Variants in PRDM16 observed in about 807,000 individuals in gnomAD.
The protein encoded by PRDM16 is PR/SET domain 16.
In PRDM16, 23 loss-of-function variants were observed where a neutral mutation model predicts 110.6. That is an observed-to-expected ratio of 0.21 (90% confidence interval 0.15 to 0.29). The LOEUF (loss-of-function observed/expected upper bound fraction) is 0.29. PRDM16 is among the 10% of genes least tolerant of loss of function. The pLI, the probability that PRDM16 is intolerant of heterozygous loss-of-function variation, is 1.00. For synonymous variants in PRDM16, 799 were observed against 781.8 expected, an observed-to-expected ratio of 1.02 and a Z score of -0.37; for missense variants, 1,615 against 1,794.3, an observed-to-expected ratio of 0.90 and a Z score of 1.81.
intron 3 of PRDM16, among the ~76,000 whole-genome samples, chr1:3,263,091 C>T (rs1640200416): frequency 6.6e-6 from 1 of 152,126 alleles, no homozygotes; most frequent in Non-Finnish European, 1.5e-5. Context: ...GTGTGTACCC[C>T]AGGGGCTCCA....
rs547579075 is a variant in PRDM16 at position 3,370,334 on chromosome 1, C to T, written c.439-14818C>T. 4.6e-5 allele frequency among the ~76,000 whole-genome samples: 7 copies of T among 152,184 alleles called. No individual in the cohort carries two copies. Among genetic ancestry groups the T allele is most frequent in the East Asian group, 1.9e-4 (1 of 5,180 alleles). ...GCTTTCCACATCCCTCAGCAGAGCC[C>T]GTGAATAAGAAGGGAAAGGATTTGA... On this transcript the variant is annotated intron_variant, in intron 3 of 16. Coordinates refer to ENST00000270722, the MANE Select transcript of PRDM16 (RefSeq NM_022114.4). This position sits in a 1 kb window ranked among gnomAD's most constrained non-coding sequence, Gnocchi z 4.8.
chr1:3,385,873 G>T (rs949594830), intron 4 of PRDM16, among the ~76,000 whole-genome samples: 1 of 152,198 alleles, frequency 6.6e-6, no homozygotes, highest in Admixed American at 6.5e-5. Context: ...CCACCTCGGG[G>T]CTGAGGAGCC....
intron 1 of PRDM16, among the ~76,000 whole-genome samples, chr1:3,121,467 A>C (rs1215852152): frequency 6.6e-6 from 1 of 152,280 alleles, no homozygotes; most frequent in Non-Finnish European, 1.5e-5. Context: ...CAGTGAGGAC[A>C]AGCCAGGTAG....
chr1:3,425,771 C>A lies in PRDM16; in HGVS notation c.3109+21C>A, dbSNP rs748866110. 2 of 1,612,276 alleles carry A rather than the reference C, an allele frequency of 1.2e-6. No homozygotes were observed. The highest frequency in any genetic ancestry group is 8.5e-7 in the Non-Finnish European group (1 of 1,179,358). On this transcript the variant is annotated intron_variant, in intron 13 of 16. Transcript: ENST00000270722. This position sits in a 1 kb window ranked among gnomAD's most constrained non-coding sequence, Gnocchi z 6.9. ...ACCAGGTGGGCCACGCGGGGTGGGG[C>A]AGCCCCCAGAGCACCCACACGGGCA...
chr1:3,269,674 A>G (rs1640386964), intron 3 of PRDM16, among the ~76,000 whole-genome samples: 1 of 88,564 alleles, frequency 1.1e-5, no homozygotes, highest in African/African-American at 9.6e-5. Flanking sequence ...ACAGTCCCAG[A>G]GTAGGACAGT....
At position 3,243,586 on chromosome 1, in the gene PRDM16, C is replaced by G. The variant is rs1480969826; in HGVS notation, c.388-501C>G. Among the ~76,000 whole-genome samples, 1 of 152,240 alleles carries G rather than the reference C, an allele frequency of 6.6e-6. No individual in the cohort carries two copies. The highest frequency in any genetic ancestry group is 2.4e-5 in the African/African-American group (1 of 41,466). ...AAGCCCCCGGAGGGCAGGGACTGCA[C>G]CTCGCTGTCTCTCACCTGTCCAGGA... On this transcript the variant is annotated intron_variant, in intron 2 of 16. Transcript: ENST00000270722. The surrounding 1 kb of genome is among the most constrained non-coding windows in gnomAD (Gnocchi z 5.5).
At chr1:3,297,260 G>C (rs1482166041) in intron 3 of PRDM16, among the ~76,000 whole-genome samples, 1 of 150,956 alleles carries the variant, frequency 6.6e-6, no homozygotes, top group Non-Finnish European at 1.5e-5. Context: ...CCCTATCCAG[G>C]TCAACGTCTG....
chr1:3,354,176 T>C (rs377165743), intron 3 of PRDM16, among the ~76,000 whole-genome samples: 1 of 152,310 alleles, frequency 6.6e-6, no homozygotes, highest in East Asian at 1.9e-4. Flanking sequence ...GAACCATTGC[T>C]AGGCCGGGTG....
chr1:3,249,493 C>T (rs1322412375), intron 3 of PRDM16, among the ~76,000 whole-genome samples: 1 of 151,894 alleles, frequency 6.6e-6, no homozygotes, highest in African/African-American at 2.4e-5. Context: ...CAGATCCCGC[C>T]GGAGTGCCGT....
intron 2 of PRDM16, among the ~76,000 whole-genome samples, chr1:3,187,524 C>T (rs1193818415): frequency 3.9e-5 from 6 of 152,186 alleles, no homozygotes; most frequent in Non-Finnish European, 7.3e-5. Flanking sequence ...CACTGTCAGG[C>T]CTGCCCCAAC....
chr1:3,386,066 C>T (rs893713607), intron 4 of PRDM16, among the ~76,000 whole-genome samples: 1 of 152,236 alleles, frequency 6.6e-6, no homozygotes, highest in Non-Finnish European at 1.5e-5. Flanking sequence ...CGAGTGGCCC[C>T]TGGAGGCCCT....
At chr1:3,117,523 C>A (rs904104013) in intron 1 of PRDM16, among the ~76,000 whole-genome samples, 2 of 152,090 alleles carry the variant, frequency 1.3e-5, no homozygotes, top group African/African-American at 4.8e-5. Flanking sequence ...TCACCTCTGG[C>A]TACCACGCAG....
intron 2 of PRDM16, among the ~76,000 whole-genome samples, chr1:3,196,855 G>A (rs1170844578): frequency 1.3e-5 from 2 of 152,212 alleles, no homozygotes; most frequent in Non-Finnish European, 2.9e-5. Context: ...CGAGGCTGAC[G>A]GGTAGCAGCA....
intron 1 of PRDM16, among the ~76,000 whole-genome samples, chr1:3,146,497 A>G (rs1643656805): frequency 7.3e-6 from 1 of 136,190 alleles, no homozygotes; most frequent in African/African-American, 2.8e-5. Context: ...TGGGGTGTAT[A>G]TGTGTGCAAG....
chr1:3,267,469 C>A (rs1640321563), intron 3 of PRDM16, among the ~76,000 whole-genome samples: 1 of 152,188 alleles, frequency 6.6e-6, no homozygotes, highest in African/African-American at 2.4e-5. Flanking sequence ...AATCGTGTTG[C>A]TCTGGGTACG....
At chr1:3,316,898 A>G (rs1246983792) in intron 3 of PRDM16, among the ~76,000 whole-genome samples, 1 of 152,220 alleles carries the variant, frequency 6.6e-6, no homozygotes, top group Non-Finnish European at 1.5e-5. Flanking sequence ...GTAGCCAGGA[A>G]GCCGATCAGA....
chr1:3,297,280 AT>A (rs34666813), intron 3 of PRDM16, among the ~76,000 whole-genome samples: 22,950 of 120,810 alleles, frequency 0.19, 1,820 homozygotes, highest in East Asian at 0.28. Flanking sequence ...GGTGAGAGGA[AT>A]TTTTTTTTTT....
intron 3 of PRDM16, among the ~76,000 whole-genome samples, chr1:3,305,363 G>A (rs7517815): frequency 0.12 from 18,514 of 152,170 alleles, 3,735 homozygotes; most frequent in African/African-American, 0.42. Flanking sequence ...GCCCCTGCCC[G>A]TGCAGGGGGC....
At chr1:3,355,241 G>A (rs1557629267) in intron 3 of PRDM16, among the ~76,000 whole-genome samples, 1 of 152,162 alleles carries the variant, frequency 6.6e-6, no homozygotes, top group African/African-American at 2.4e-5. Flanking sequence ...GGCAGGAGGG[G>A]GAGGGAGAGG....
Sources: gnomAD v4.1 joint callset for allele counts (sites outside exome capture counted in the v4.1 genomes callset) on GRCh38, gnomAD v4.1.1 for gene constraint, Gnocchi (gnomAD v3.1) non-coding constraint, MANE v1.5 for transcripts, NCBI Gene and HGNC (gene_info 2026-07-23, HGNC 2026-07-21) for gene names.